DENND1A: variants seen among roughly 807,000 people sequenced by gnomAD.
DENND1A encodes the protein DENN domain-containing protein 1A.
A neutral mutation model predicts 113.7 loss-of-function variants in DENND1A; 51 were observed. The observed-to-expected ratio is 0.45, with a 90% confidence interval of 0.36 to 0.57. DENND1A has a LOEUF of 0.57. Ranked by LOEUF, DENND1A falls within the 20% of genes least tolerant of loss-of-function variation. The pLI is 0.00. For missense variants in DENND1A, 1,258 were observed against 1,395.9 expected, an observed-to-expected ratio of 0.90 and a Z score of 1.57; for synonymous variants, 565 against 570.8, an observed-to-expected ratio of 0.99 and a Z score of 0.14.
chr9:123,903,055 G>A (rs962097061), intron 1 of DENND1A, among the ~76,000 whole-genome samples: 30 of 152,012 alleles, frequency 2.0e-4, no homozygotes, highest in Admixed American at 9.2e-4. Context: ...GAAAAAGGCC[G>A]GGCGCGGTGG....
At chr9:123,791,975 C>T (rs1833052465) in intron 3 of DENND1A, among the ~76,000 whole-genome samples, 1 of 152,154 alleles carries the variant, frequency 6.6e-6, no homozygotes, top group Admixed American at 6.6e-5. Context: ...AATACAGCAA[C>T]ATCAGAACTT....
intron 10 of DENND1A, among the ~76,000 whole-genome samples, chr9:123,625,638 G>T (rs934126286): frequency 7.2e-5 from 11 of 152,160 alleles, no homozygotes; most frequent in Admixed American, 7.2e-4. Flanking sequence ...CAGCTACTAG[G>T]CAGGCAGAGG....
At chr9:123,691,522 G>A (rs2065189086) in intron 5 of DENND1A, among the ~76,000 whole-genome samples, 1 of 151,804 alleles carries the variant, frequency 6.6e-6, no homozygotes. Flanking sequence ...AGGGTAGAGC[G>A]GGGTGTCTCT....
intron 12 of DENND1A, among the ~76,000 whole-genome samples, chr9:123,581,255 A>G (rs2058878820): frequency 1.3e-5 from 2 of 152,158 alleles, no homozygotes; most frequent in Admixed American, 1.3e-4. Flanking sequence ...AATGGCAGCC[A>G]TTGTTGAATT....
intron 13 of DENND1A, among the ~76,000 whole-genome samples, chr9:123,530,742 A>T (rs2055228515): frequency 6.6e-6 from 1 of 152,198 alleles, no homozygotes; most frequent in Admixed American, 6.5e-5. Context: ...CTCAGTGTAT[A>T]CCTGAAACTG....
intron 2 of DENND1A, among the ~76,000 whole-genome samples, chr9:123,841,598 A>C (rs1590320749): frequency 6.6e-6 from 1 of 152,182 alleles, no homozygotes; most frequent in South Asian, 2.1e-4. Flanking sequence ...AGCTATGATA[A>C]CTGCCACAAG....
intron 20 of DENND1A, among the ~76,000 whole-genome samples, chr9:123,408,409 C>A (rs1040870467): frequency 1.3e-5 from 2 of 152,150 alleles, no homozygotes; most frequent in African/African-American, 4.8e-5. Flanking sequence ...AGTGTAAGTT[C>A]GGGGGACATG....
intron 13 of DENND1A, among the ~76,000 whole-genome samples, chr9:123,552,018 CGAGAGA>C (rs10657747): frequency 4.2e-5 from 5 of 118,566 alleles, no homozygotes; most frequent in Non-Finnish European, 7.4e-5. Context: ...AGAGCGAGAG[CGAGAGA>C]GAGAGAGAGA....
chr9:123,866,513 C>A (rs1845814346), intron 2 of DENND1A, among the ~76,000 whole-genome samples: 1 of 152,184 alleles, frequency 6.6e-6, no homozygotes, highest in Non-Finnish European at 1.5e-5. Flanking sequence ...TAATGACTAT[C>A]ATTCTAATAT....
At chr9:123,597,128 A>G (rs1324254555) in intron 11 of DENND1A, among the ~76,000 whole-genome samples, 5 of 152,184 alleles carry the variant, frequency 3.3e-5, no homozygotes, top group Non-Finnish European at 7.3e-5. Context: ...GCCATCATTC[A>G]TTCATCACTA....
At chr9:123,449,407 TG>T (rs1216434873) in intron 18 of DENND1A, among the ~76,000 whole-genome samples, 1 of 151,996 alleles carries the variant, frequency 6.6e-6, no homozygotes, top group Non-Finnish European at 1.5e-5. Flanking sequence ...TGGTAGCACG[TG>T]CCTGTAGTCC....
At chr9:123,810,449 C>T (rs1836362192) in intron 2 of DENND1A, among the ~76,000 whole-genome samples, 1 of 150,270 alleles carries the variant, frequency 6.7e-6, no homozygotes, top group Non-Finnish European at 1.5e-5. Context: ...TGGTGGCTCA[C>T]ACCTGTAATC....
intron 1 of DENND1A, among the ~76,000 whole-genome samples, chr9:123,890,833 C>A (rs1849792439): frequency 6.6e-6 from 1 of 152,184 alleles, no homozygotes; most frequent in African/African-American, 2.4e-5. Flanking sequence ...ATACCTCCAA[C>A]ATATAATTGT....
intron 5 of DENND1A, among the ~76,000 whole-genome samples, chr9:123,690,459 T>C (rs1470048593): frequency 2.0e-5 from 3 of 152,152 alleles, no homozygotes; most frequent in Non-Finnish European, 4.4e-5. Context: ...TTATGAACTA[T>C]CAAAATGATG....
intron 5 of DENND1A, among the ~76,000 whole-genome samples, chr9:123,756,832 G>C (rs965975083): frequency 6.6e-6 from 1 of 152,170 alleles, no homozygotes; most frequent in African/African-American, 2.4e-5. Context: ...GGAATCCATA[G>C]AGGGTCTGGC....
chr9:123,838,363 C>T (rs941854024), intron 2 of DENND1A, among the ~76,000 whole-genome samples: 7 of 151,948 alleles, frequency 4.6e-5, no homozygotes, highest in African/African-American at 1.4e-4. Context: ...TGTATATGTG[C>T]GTGTATATAT....
rs1590175334 is a variant in DENND1A at position 123,808,662 on chromosome 9, T to G, written c.89-16032A>C. Among the ~76,000 whole-genome samples the G allele has an allele frequency of 2.0e-5, 3 of 152,148 alleles. No individual in the cohort carries two copies. The East Asian group carries it at 5.8e-4, about 29-fold the overall frequency. On this transcript the variant is annotated intron_variant, in intron 2 of 23. Transcript: ENST00000394215. ...TTCATTTCTAAGTTCCCAGGTGATG[T>G]TGACGCCCCTGGTCTGGGGGACTAC...
intron 13 of DENND1A, among the ~76,000 whole-genome samples, chr9:123,506,729 T>C (rs2052985662): frequency 6.6e-6 from 1 of 152,186 alleles, no homozygotes; most frequent in Non-Finnish European, 1.5e-5. Context: ...TTAAATTACC[T>C]GTACAGGGTC....
At chr9:123,487,871 A>T (rs1484081083) in intron 13 of DENND1A, among the ~76,000 whole-genome samples, 1 of 152,256 alleles carries the variant, frequency 6.6e-6, no homozygotes, top group Non-Finnish European at 1.5e-5. Context: ...TGAAGAACAG[A>T]TGAAGAAACT....
Sources: allele counts gnomAD v4.1 joint callset (sites outside exome capture counted in the v4.1 genomes callset), GRCh38; gene constraint gnomAD v4.1.1; transcripts MANE v1.5; gene names NCBI Gene and HGNC (gene_info 2026-07-23, HGNC 2026-07-21).